The following PRH1 variants were observed in gnomAD, a reference collection of about 807,000 sequenced individuals.
PRH1 encodes the protein salivary acidic proline-rich phosphoprotein 1/2.
PRH1 carries 7 observed loss-of-function variants against 7.9 expected under a neutral mutation model. The observed-to-expected ratio is 0.89, with a 90% CI of 0.50 to 1.67. PRH1 has a LOEUF of 1.67. Ranked by LOEUF, PRH1 falls within the 40% of genes most tolerant of loss-of-function variation. The pLI is 0.00. For missense variants in PRH1, 109 were observed against 223.6 expected (o/e 0.49, Z 3.27); for synonymous variants, 45 against 80.8 (o/e 0.56, Z 2.38).
intron 2 of PRH1, among the ~76,000 whole-genome samples, chr12:10,928,999 C>T (rs1591688091): frequency 6.6e-6 from 1 of 152,182 alleles, no homozygotes; most frequent in African/African-American, 2.4e-5. Context: ...TGCTTGGACA[C>T]AGTTCCGTCA....
At chr12:10,934,021 G>A (rs761981251) in intron 2 of PRH1, among the ~76,000 whole-genome samples, 81 of 152,178 alleles carry the variant, frequency 5.3e-4, no homozygotes, top group Admixed American at 2.4e-3. Flanking sequence ...TACAATAGCC[G>A]TTTATTAATT....
At chr12:11,157,237 CCA>C (rs780069521) in intron 1 of PRH1, among the ~76,000 whole-genome samples, 38 of 152,168 alleles carry the variant, frequency 2.5e-4, no homozygotes, top group Non-Finnish European at 4.4e-4. Context: ...TGCATCTTCA[CCA>C]CAGACTCTTA....
At chr12:11,021,763 A>G in intron 1 of PRH1, 3 of 1,614,212 alleles carry the variant, frequency 1.9e-6, no homozygotes, top group South Asian at 2.2e-5. Context: ...TGAAGGATAC[A>G]TGATTGCAAC....
At chr12:10,916,094 CAAAGAA>C (rs2135838012) in intron 2 of PRH1, among the ~76,000 whole-genome samples, 2 of 152,100 alleles carry the variant, frequency 1.3e-5, no homozygotes, top group South Asian at 4.2e-4. Context: ...TGGTGGAAGA[CAAAGAA>C]AGAGGAAAGG....
chr12:11,107,286 C>A (rs897993909), intron 1 of PRH1, among the ~76,000 whole-genome samples: 3 of 152,194 alleles, frequency 2.0e-5, no homozygotes, highest in South Asian at 4.1e-4. Context: ...CAGGTGTGAA[C>A]AACCACACAT....
rs1950068130 is a variant in PRH1, at chr12:10,922,839, T to TTTTTTTTTTTTTA, written c.-58-38565_-58-38564insTAAAAAAAAAAAA. On this transcript the variant is annotated intron_variant, in intron 2 of 3. Coordinates refer to the PRH1 transcript ENST00000539853. Reference sequence around the variant, plus strand: ...ATGAATTTTTTCTTTTTCTTTTTTTTGAGACGGAGTCTCGCTCTGTCGCCC... The same window carrying TTTTTTTTTTTTTA: ...ATGAATTTTTTCTTTTTCTTTTTTTTTTTTTTTTTTTTAGAGACGGAGTCTCGCTCTGTCGCCC... Among the ~76,000 whole-genome samples the TTTTTTTTTTTTTA allele has an allele frequency of 9.4e-5, 12 of 127,740 alleles. 1 individual carries two copies. The highest frequency in any genetic ancestry group is 2.5e-4 in the East Asian group (1 of 3,966). The allele number at this position is 127,740 out of a possible 152,430, so 83.8% of individuals were successfully genotyped here. A position where few individuals can be genotyped will look rare whatever the true frequency, so the allele number is the denominator to read the frequency against.
intron 1 of PRH1, among the ~76,000 whole-genome samples, chr12:11,144,896 G>A (rs1946818813): frequency 6.6e-6 from 1 of 152,210 alleles, no homozygotes; most frequent in Non-Finnish European, 1.5e-5. Flanking sequence ...CAGAAGAGGA[G>A]GGTCTCCCTT....
At chr12:11,054,050 ACCT>A (rs1366040145) in intron 1 of PRH1, among the ~76,000 whole-genome samples, 3 of 152,090 alleles carry the variant, frequency 2.0e-5, no homozygotes, top group Non-Finnish European at 4.4e-5. Flanking sequence ...GGAACTCCTG[ACCT>A]CAGGTGATCC....
chr12:11,027,690 C>G (rs1385248873), intron 1 of PRH1, among the ~76,000 whole-genome samples: 1 of 151,746 alleles, frequency 6.6e-6, no homozygotes, highest in Admixed American at 6.6e-5. Flanking sequence ...CCAAGCTGCT[C>G]TGGCCACTGA....
intron 2 of PRH1, among the ~76,000 whole-genome samples, chr12:10,923,679 T>C (rs1483977858): frequency 6.6e-6 from 1 of 152,220 alleles, no homozygotes; most frequent in Non-Finnish European, 1.5e-5. Flanking sequence ...GATAGGATAA[T>C]AGACATTAGG....
chr12:10,955,497 AATAAC>A (rs1424558034), intron 2 of PRH1, among the ~76,000 whole-genome samples: 1 of 152,140 alleles, frequency 6.6e-6, no homozygotes, highest in Non-Finnish European at 1.5e-5. Flanking sequence ...ATCTCAAATT[AATAAC>A]ATAACTTCAC....
At chr12:11,102,528 T>C (rs1313003866) in intron 1 of PRH1, among the ~76,000 whole-genome samples, 1 of 152,154 alleles carries the variant, frequency 6.6e-6, no homozygotes. Flanking sequence ...TTACACCTTA[T>C]ACAAAAATTA....
intron 1 of PRH1, chr12:11,159,397 CA>C (rs1047872060): frequency 6.6e-6 from 1 of 150,522 alleles, no homozygotes; most frequent in African/African-American, 2.4e-5. Context: ...AGGCAGGTGG[CA>C]AACTAGATAC....
chr12:10,976,459 T>C (rs1042378710), intron 1 of PRH1, among the ~76,000 whole-genome samples: 3 of 152,048 alleles, frequency 2.0e-5, no homozygotes, highest in Non-Finnish European at 2.9e-5. Context: ...AATGCCCACA[T>C]TGAAAAGTTA....
At chr12:10,907,327 T>C (rs913610751) in intron 2 of PRH1, among the ~76,000 whole-genome samples, 2 of 152,196 alleles carry the variant, frequency 1.3e-5, no homozygotes, top group Non-Finnish European at 2.9e-5. Context: ...TAATGGCCAA[T>C]AATTGAAAAC....
chr12:11,046,268 GCTATCTCTGTCTTCA>G (rs1029612922), intron 1 of PRH1, among the ~76,000 whole-genome samples: 4 of 152,086 alleles, frequency 2.6e-5, no homozygotes, highest in Non-Finnish European at 5.9e-5. Flanking sequence ...ATGTTTTGTT[GCTATCTCTGTCTTCA>G]CTGTGCTTGA....
At chr12:10,964,213 G>C (rs185797585) in intron 2 of PRH1, among the ~76,000 whole-genome samples, 244 of 152,186 alleles carry the variant, frequency 1.6e-3, no homozygotes, top group Middle Eastern at 3.4e-3. Context: ...TTATGTTATT[G>C]CCACTCTCTC....
intron 1 of PRH1, chr12:10,986,771 T>C: frequency 6.2e-7 from 1 of 1,608,348 alleles, no homozygotes; most frequent in Non-Finnish European, 8.5e-7. Context: ...CAATGAAATT[T>C]ACCAGTGCTA....
Position 11,099,377 on chromosome 12 carries a change from T to TGCA in PRH1, n.124-52190_124-52189insTGC, listed in dbSNP as rs1555165188. Among the ~76,000 whole-genome samples the TGCA allele has an allele frequency of 5.3e-5, 8 of 151,844 alleles. No individual in the cohort carries two copies. The East Asian group carries it at 1.4e-3, about 26-fold the overall frequency. ...AATTGGCCAAACTCTATCTCCAAGA[T>TGCA]GCCGAATTTGGCCCATCTCAAATCA... is the stretch of plus-strand genomic sequence containing the variant. On this transcript the variant is annotated intron_variant and non_coding_transcript_variant, in intron 1 of 4. Transcript: ENST00000541977.
Sources: allele counts gnomAD v4.1 joint callset (sites outside exome capture counted in the v4.1 genomes callset), GRCh38; gene constraint gnomAD v4.1.1; transcripts MANE v1.5; gene names NCBI Gene and HGNC (gene_info 2026-07-23, HGNC 2026-07-21).